INTU: variants seen among roughly 807,000 people sequenced by gnomAD.
The protein encoded by INTU is protein inturned.
A neutral mutation model predicts 100.5 loss-of-function variants in INTU; 68 were observed. The observed-to-expected ratio is 0.68, with a 90% CI of 0.56 to 0.83. The LOEUF is 0.83. Among genes scored for constraint, INTU ranks in the 40% least tolerant of loss-of-function variants. The pLI, the probability that INTU is intolerant of heterozygous loss-of-function variation, is 0.00. For synonymous variants in INTU, 357 were observed against 395.7 expected (o/e 0.90, Z 1.16); for missense variants, 1,071 against 1,114.7 (o/e 0.96, Z 0.56).
intron 6 of INTU, among the ~76,000 whole-genome samples, chr4:127,683,018 C>T (rs1405711043): frequency 3.9e-5 from 6 of 152,118 alleles, no homozygotes; most frequent in East Asian, 1.9e-4. Context: ...TGACACCAGC[C>T]GAATCAGCTA....
At chr4:127,638,726 G>A (rs1299189672) in intron 1 of INTU, among the ~76,000 whole-genome samples, 1 of 152,036 alleles carries the variant, frequency 6.6e-6, no homozygotes, top group Admixed American at 6.6e-5. Context: ...ATCATTTAGG[G>A]CCTTGAATAC....
Position 127,708,607 on chromosome 4 carries a change from CAT to C in INTU, c.2309_2310del (p.His770LeufsTer17). 1 of 1,599,104 alleles carries C rather than the reference CAT, an allele frequency of 6.3e-7. No homozygotes were observed. The highest frequency in any genetic ancestry group is 8.6e-7 in the Non-Finnish European group (1 of 1,169,146). ...KKKSTLPNPF[H>X]LGNLKKDLPE... ...GAAGTCTACTCTTCCAAATCCATTTCATTTGGGAAACTTGAAAAAGGACCTTC... is the reference window on the plus strand; with the variant it reads ...GAAGTCTACTCTTCCAAATCCATTTCTTGGGAAACTTGAAAAAGGACCTTC... On this transcript the variant is annotated frameshift_variant, in exon 13 of 16. Coordinates refer to ENST00000335251, the MANE Select transcript of INTU (RefSeq NM_015693.4). LOFTEE classifies it high-confidence loss of function.
Position 127,679,781 on chromosome 4 carries a change from CA to C in INTU, c.1182-4622del, listed in dbSNP as rs534604155. Among the ~76,000 whole-genome samples, 1,056 of 151,594 alleles carry C rather than the reference CA, an allele frequency of 7.0e-3. 14 individuals carry two copies. The highest frequency in any genetic ancestry group is 0.013 in the Non-Finnish European group (886 of 67,858). On this transcript the variant is annotated intron_variant, in intron 6 of 15. Transcript: ENST00000335251. The stretch of plus-strand genomic sequence containing the variant: ...AGCAGAACTGAAGGAAATAGAGACA[CA>C]AAAAACCCTTCAAAAAATTAATGAA...
intron 3 of INTU, among the ~76,000 whole-genome samples, chr4:127,657,430 A>G (rs1728283754): frequency 6.6e-6 from 1 of 152,030 alleles, no homozygotes. Flanking sequence ...GGAAGATTAT[A>G]TGCTTTATGT....
At chr4:127,698,024 G>A (rs1730471336) in intron 8 of INTU, among the ~76,000 whole-genome samples, 1 of 152,190 alleles carries the variant, frequency 6.6e-6, no homozygotes, top group South Asian at 2.1e-4. Context: ...GGAAGCTGAG[G>A]CAGGAGAATC....
chr4:127,644,343 A>T (rs1727473966), intron 2 of INTU, among the ~76,000 whole-genome samples: 1 of 152,198 alleles, frequency 6.6e-6, no homozygotes, highest in East Asian at 1.9e-4. Flanking sequence ...CATCTTGGTT[A>T]TATTTGCTGA....
At chr4:127,678,180 G>C (rs1174272584) in intron 6 of INTU, among the ~76,000 whole-genome samples, 1 of 152,162 alleles carries the variant, frequency 6.6e-6, no homozygotes, top group Admixed American at 6.5e-5. Context: ...ACACTCTGCA[G>C]AATATTATCC....
intron 8 of INTU, among the ~76,000 whole-genome samples, chr4:127,696,181 G>C (rs1219608655): frequency 6.6e-6 from 1 of 151,940 alleles, no homozygotes; most frequent in African/African-American, 2.4e-5. Context: ...TCTTTGTCTG[G>C]TTTTAGTATT....
In INTU at chr4:127,724,818, T is replaced by G. The variant is rs1323402000; in HGVS notation, c.*8382T>G. The G allele has an allele frequency of 2.6e-5, 4 of 152,170 alleles. No homozygotes were observed. The highest frequency in any genetic ancestry group is 5.9e-5 in the Non-Finnish European group (4 of 68,030). The allele number at this position is 152,170 out of a possible 1,614,324, so 9.4% of individuals were successfully genotyped here. On this transcript the variant is annotated 3_prime_UTR_variant, in exon 16 of 16. Transcript: ENST00000335251. ...TAACTGCAAAACACTGGGTGTACCA[T>G]TTGAGTCATTTGGTCTTAAAAGAAA...
At position 127,717,174 on chromosome 4, in the gene INTU, G is replaced by C. The variant is rs943902111; in HGVS notation, c.*738G>C. ...CCCACAACAGGCCCTGGTGTGCATT[G>C]TTCCCCTCCCTTTGTCCATGTGTTC... is the stretch of plus-strand genomic sequence containing the variant. On this transcript the variant is annotated 3_prime_UTR_variant, in exon 16 of 16. Coordinates refer to ENST00000335251, the MANE Select transcript of INTU (RefSeq NM_015693.4). 2.6e-5 allele frequency: 4 copies of C among 152,020 alleles called. No homozygotes were observed. The highest frequency in any genetic ancestry group is 7.2e-5 in the African/African-American group (3 of 41,390). 9.4% of individuals were successfully genotyped at this position (152,020 alleles called of 1,614,324 possible).
At chr4:127,643,426 C>T (rs1194045271) in intron 1 of INTU, 95 bp from the exon 2 acceptor site, 2 of 871,932 alleles carry the variant, frequency 2.3e-6, no homozygotes, top group East Asian at 5.1e-5. Context: ...CATCTTCCTG[C>T]TCCCCAGCCC....
intron 4 of INTU, among the ~76,000 whole-genome samples, chr4:127,668,717 A>G (rs758021268): frequency 2.8e-4 from 43 of 151,798 alleles, no homozygotes; most frequent in Non-Finnish European, 4.7e-4. Context: ...TTAGTATTAT[A>G]AATTATTATT....
At chr4:127,663,007 G>A (rs113534879) in intron 3 of INTU, among the ~76,000 whole-genome samples, 4 of 152,138 alleles carry the variant, frequency 2.6e-5, no homozygotes, top group Admixed American at 2.0e-4. Flanking sequence ...CAGTGCTATC[G>A]GCATTGATAT....
chr4:127,679,873 T>A lies in INTU; in HGVS notation c.1182-4536T>A, dbSNP rs377704528. Among the ~76,000 whole-genome samples the A allele has an allele frequency of 5.3e-3, 806 of 151,034 alleles. 10 individuals are homozygous for A. The highest frequency in any genetic ancestry group is 0.018 in the African/African-American group (752 of 41,094). ...GACCACTAGCAAGACTAATAAAGAA[T>A]AAAAGAGAGAAGAATCAAATAGACG... On this transcript the variant is annotated intron_variant, in intron 6 of 15. Coordinates refer to ENST00000335251, the MANE Select transcript of INTU (RefSeq NM_015693.4).
At chr4:127,685,779 T>C (rs761795407) in intron 7 of INTU, 10 of 217,110 alleles carry the variant, frequency 4.6e-5, no homozygotes, top group Non-Finnish European at 7.5e-5. Flanking sequence ...TGCAATGATT[T>C]TCATACATAT....
chr4:127,696,659 T>C (rs1305346132), intron 8 of INTU, among the ~76,000 whole-genome samples: 1 of 152,092 alleles, frequency 6.6e-6, no homozygotes, highest in African/African-American at 2.4e-5. Flanking sequence ...TCTCTACGGC[T>C]TTCCTATTTT....
Position 127,669,173 on chromosome 4 carries a change from C to T in INTU, c.1091+19C>T. The T allele has an allele frequency of 8.5e-7, 1 of 1,178,758 alleles. No individual in the cohort carries two copies. Among genetic ancestry groups the T allele is most frequent in the Non-Finnish European group, 1.2e-6 (1 of 815,828 alleles). 73.0% of individuals were successfully genotyped at this position (1,178,758 alleles called of 1,614,324 possible). A position where few individuals can be genotyped will look rare whatever the true frequency, so the allele number is the denominator to read the frequency against. ...TTACTAGGTAATAATTTTTATTTAG[C>T]TTTAATTCTGTTTTTTTCAAGTTCT... On this transcript the variant is annotated intron_variant, in intron 5 of 15. Transcript: ENST00000335251.
chr4:127,713,785 T>C, intron 14 of INTU, 151 bp from the exon 15 acceptor site: 1 of 550,000 alleles, frequency 1.8e-6, no homozygotes, highest in East Asian at 2.8e-5. Flanking sequence ...ATTTAAGTTT[T>C]GAGGAAGAGT....
Position 127,720,864 on chromosome 4 carries a change from T to C in INTU, c.*4428T>C, listed in dbSNP as rs1316013210. ...TCCTTTTATTTTGAGTCTATGTGTG[T>C]CCTTGCATGTGAGATGGGTCTCTTG... On this transcript the variant is annotated 3_prime_UTR_variant, in exon 16 of 16. Transcript: ENST00000335251. The C allele has an allele frequency of 6.6e-6, 1 of 152,200 alleles. No individual in the cohort carries two copies. The highest frequency in any genetic ancestry group is 1.5e-5 in the Non-Finnish European group (1 of 68,034). 9.4% of individuals were successfully genotyped at this position (152,200 alleles called of 1,614,324 possible).
Sources: gnomAD v4.1 joint callset for allele counts (sites outside exome capture counted in the v4.1 genomes callset) on GRCh38, gnomAD v4.1.1 for gene constraint, MANE v1.5 for transcripts, NCBI Gene and HGNC (gene_info 2026-07-23, HGNC 2026-07-21) for gene names.